Variants in NALF1 observed in about 807,000 individuals in gnomAD.
NALF1 encodes NALCN channel auxiliary factor 1.
Under a neutral mutation model 48.4 loss-of-function variants are expected in NALF1, and 3 were observed. The ratio of observed to expected loss-of-function variants is 0.06; its 90% CI spans 0.03 to 0.16. The LOEUF (loss-of-function observed/expected upper bound fraction) is 0.16, where lower values mean the gene tolerates loss of function less well. NALF1 is among the 10% of genes least tolerant of loss of function. NALF1 has a pLI of 1.00. For missense variants in NALF1, 526 were observed against 571.5 expected (o/e 0.92, Z 0.81); for synonymous variants, 262 against 245.7 (o/e 1.07, Z -0.62).
intron 1 of NALF1, among the ~76,000 whole-genome samples, chr13:107,434,601 A>C (rs1421666058): frequency 6.6e-6 from 1 of 152,242 alleles, no homozygotes; most frequent in Non-Finnish European, 1.5e-5. Context: ...CACTGGACCT[A>C]AGTCATGGGA....
chr13:107,444,998 T>C (rs986837755), intron 1 of NALF1, among the ~76,000 whole-genome samples: 3 of 152,222 alleles, frequency 2.0e-5, no homozygotes, highest in African/African-American at 7.2e-5. Context: ...CCATGAGACG[T>C]TCTTTCAGCC....
At chr13:107,299,769 A>G (rs1881804150) in intron 1 of NALF1, among the ~76,000 whole-genome samples, 1 of 151,826 alleles carries the variant, frequency 6.6e-6, no homozygotes, top group African/African-American at 2.4e-5. Context: ...TTGTTGTTCC[A>G]TGAATTATAA....
intron 1 of NALF1, among the ~76,000 whole-genome samples, chr13:107,384,151 G>C (rs188767465): frequency 6.6e-6 from 1 of 152,260 alleles, no homozygotes; most frequent in Non-Finnish European, 1.5e-5. Flanking sequence ...TACATGGGAG[G>C]CTGATGTGGA....
Position 107,417,417 on chromosome 13 carries a change from A to C in NALF1, c.916-206662T>G, listed in dbSNP as rs1194735824. 7.7e-5 allele frequency among the ~76,000 whole-genome samples: 11 copies of C among 143,206 alleles called. No homozygotes were observed. The Admixed American group carries it at 7.7e-4, about 10-fold the overall frequency. The allele number at this position is 143,206 out of a possible 152,430, so 93.9% of individuals were successfully genotyped here. On this transcript the variant is annotated intron_variant, in intron 1 of 2. Coordinates refer to ENST00000375915, the MANE Select transcript of NALF1 (RefSeq NM_001080396.3). The stretch of plus-strand genomic sequence containing the variant: ...AGTAGGTATCTATTATCTTCATCTA[A>C]CAACCCCAAATTTGTCTAGTGTAAA...
intron 1 of NALF1, among the ~76,000 whole-genome samples, chr13:107,668,673 C>G (rs1202664889): frequency 2.0e-5 from 3 of 152,108 alleles, no homozygotes; most frequent in Non-Finnish European, 2.9e-5. Context: ...ATACACTAAA[C>G]TCAGGAGCAA....
chr13:107,796,497 C>A (rs1206216294), intron 1 of NALF1, among the ~76,000 whole-genome samples: 1 of 152,104 alleles, frequency 6.6e-6, no homozygotes, highest in African/African-American at 2.4e-5. Context: ...TTTCACTGGT[C>A]AAGATTTAAT....
chr13:107,787,603 G>A (rs1262680479), intron 1 of NALF1, among the ~76,000 whole-genome samples: 1 of 152,174 alleles, frequency 6.6e-6, no homozygotes, highest in Non-Finnish European at 1.5e-5. Flanking sequence ...ATGGAATTGA[G>A]AGCTACCTGA....
intron 1 of NALF1, among the ~76,000 whole-genome samples, chr13:107,304,725 C>G (rs182179446): frequency 7.2e-5 from 11 of 152,234 alleles, no homozygotes; most frequent in Admixed American, 5.2e-4. Flanking sequence ...AGATCTTGGT[C>G]AGCCAAGGGA....
chr13:107,780,461 T>G (rs1326494420), intron 1 of NALF1, among the ~76,000 whole-genome samples: 1 of 152,128 alleles, frequency 6.6e-6, no homozygotes, highest in East Asian at 1.9e-4. Context: ...TCACAGGTGT[T>G]GAAAGTACCC....
rs569447429 is a variant in NALF1, at chr13:107,589,191, C to T, written c.915+276491G>A. Among the ~76,000 whole-genome samples, 156 of 152,040 alleles carry T rather than the reference C, an allele frequency of 1.0e-3. 1 individual carries two copies. The highest frequency in any genetic ancestry group is 1.8e-3 in the Non-Finnish European group (122 of 67,936). On this transcript the variant is annotated intron_variant, in intron 1 of 2. Coordinates refer to ENST00000375915, the MANE Select transcript of NALF1 (RefSeq NM_001080396.3). Reference sequence around the variant, plus strand: ...TGTTTATCTTGTGTCCTTTCTTCTGCTTTTTAACATTTTTTATGAATACTG... The same window carrying T: ...TGTTTATCTTGTGTCCTTTCTTCTGTTTTTTAACATTTTTTATGAATACTG...
chr13:107,576,048 G>T (rs993871894), intron 1 of NALF1, among the ~76,000 whole-genome samples: 4 of 151,894 alleles, frequency 2.6e-5, no homozygotes, highest in Non-Finnish European at 5.9e-5. Flanking sequence ...TTGTGCAAGT[G>T]TAACACATTT....
At chr13:107,853,002 T>G (rs1212591183) in intron 1 of NALF1, among the ~76,000 whole-genome samples, 2 of 152,056 alleles carry the variant, frequency 1.3e-5, no homozygotes, top group African/African-American at 2.4e-5. Context: ...ACTATTAAGA[T>G]GAATTAATTA....
intron 1 of NALF1, among the ~76,000 whole-genome samples, chr13:107,461,983 C>T (rs1004556274): frequency 6.6e-6 from 1 of 152,154 alleles, no homozygotes; most frequent in African/African-American, 2.4e-5. Flanking sequence ...AGGTTATTCA[C>T]ATTCTTATGT....
chr13:107,838,422 T>C (rs1879960612), intron 1 of NALF1, among the ~76,000 whole-genome samples: 1 of 152,210 alleles, frequency 6.6e-6, no homozygotes, highest in Non-Finnish European at 1.5e-5. Flanking sequence ...TGCAGTATTC[T>C]TTTTCCTGTA....
intron 1 of NALF1, among the ~76,000 whole-genome samples, chr13:107,268,796 C>T (rs936564541): frequency 1.3e-5 from 2 of 152,070 alleles, no homozygotes; most frequent in African/African-American, 4.8e-5. Flanking sequence ...TGTTTGGAGG[C>T]ACGAATAAAA....
At chr13:107,703,543 T>C (rs1321143856) in intron 1 of NALF1, among the ~76,000 whole-genome samples, 1 of 152,040 alleles carries the variant, frequency 6.6e-6, no homozygotes, top group African/African-American at 2.4e-5. Context: ...TTAGTAGATA[T>C]GAGGTTTCAC....
intron 1 of NALF1, among the ~76,000 whole-genome samples, chr13:107,352,995 A>G (rs1162442300): frequency 6.6e-6 from 1 of 152,090 alleles, no homozygotes; most frequent in Non-Finnish European, 1.5e-5. Flanking sequence ...GGCAACCCCA[A>G]GAGACTTCCT....
At chr13:107,179,216 A>G (rs12867047) in intron 2 of NALF1, among the ~76,000 whole-genome samples, 56,240 of 152,070 alleles carry the variant, frequency 0.37, 10,719 homozygotes, top group Middle Eastern at 0.46. Context: ...TTACAACAAT[A>G]TAGATGGAAA....
intron 1 of NALF1, among the ~76,000 whole-genome samples, chr13:107,283,181 T>C (rs952654927): frequency 3.3e-5 from 5 of 152,176 alleles, no homozygotes; most frequent in African/African-American, 1.2e-4. Flanking sequence ...CTGGCTGTAT[T>C]AACTAACTCA....
Sources: gnomAD v4.1 joint callset for allele counts (sites outside exome capture counted in the v4.1 genomes callset) on GRCh38, gnomAD v4.1.1 for gene constraint, MANE v1.5 for transcripts, NCBI Gene and HGNC (gene_info 2026-07-23, HGNC 2026-07-21) for gene names.